The following GRIA4 variants were observed in gnomAD, a reference collection of about 807,000 sequenced individuals.
GRIA4 encodes the protein glutamate ionotropic receptor AMPA type subunit 4, also known as glutamate receptor 4.
Under a neutral mutation model 104.0 loss-of-function variants are expected in GRIA4, and 34 were observed. The ratio of observed to expected loss-of-function variants is 0.33; its 90% confidence interval spans 0.25 to 0.44. The LOEUF (loss-of-function observed/expected upper bound fraction) is 0.44. GRIA4 is among the 20% of genes least tolerant of loss of function. The pLI is 1.00. For missense variants in GRIA4, 750 were observed against 1,096.5 expected, an observed-to-expected ratio of 0.68 and a Z score of 4.46; for synonymous variants, 386 against 381.9, an observed-to-expected ratio of 1.01 and a Z score of -0.13.
At chr11:105,949,269 A>G (rs1948404785) in intron 14 of GRIA4, among the ~76,000 whole-genome samples, 1 of 152,252 alleles carries the variant, frequency 6.6e-6, no homozygotes, top group East Asian at 1.9e-4. Flanking sequence ...AACACACTTC[A>G]TATCAGGACT....
intron 3 of GRIA4, among the ~76,000 whole-genome samples, chr11:105,749,968 A>T (rs963699243): frequency 6.6e-6 from 1 of 152,216 alleles, no homozygotes; most frequent in African/African-American, 2.4e-5. Context: ...AAACATAAAA[A>T]TTTACATTTT....
chr11:105,740,135 A>G (rs1939213809), intron 3 of GRIA4, among the ~76,000 whole-genome samples: 1 of 152,234 alleles, frequency 6.6e-6, no homozygotes, highest in Non-Finnish European at 1.5e-5. Flanking sequence ...AGTGTAAAGG[A>G]GAATGTCTTA....
chr11:105,657,487 T>G (rs1490806208), intron 3 of GRIA4, among the ~76,000 whole-genome samples: 2 of 152,058 alleles, frequency 1.3e-5, no homozygotes, highest in Non-Finnish European at 1.5e-5. Context: ...AAGTTATTCT[T>G]CAATGCACAT....
intron 9 of GRIA4, among the ~76,000 whole-genome samples, chr11:105,908,374 C>A (rs936344086): frequency 7.2e-5 from 11 of 152,078 alleles, no homozygotes; most frequent in African/African-American, 2.7e-4. Flanking sequence ...TGAAATCAGT[C>A]ATGGGAAAAG....
At chr11:105,932,226 C>G (rs1947898021) in intron 13 of GRIA4, among the ~76,000 whole-genome samples, 1 of 152,026 alleles carries the variant, frequency 6.6e-6, no homozygotes, top group African/African-American at 2.4e-5. Context: ...GCAGCCTCTG[C>G]CTCCCAGGTC....
At chr11:105,740,555 C>A (rs1244412583) in intron 3 of GRIA4, among the ~76,000 whole-genome samples, 1 of 152,182 alleles carries the variant, frequency 6.6e-6, no homozygotes, top group African/African-American at 2.4e-5. Flanking sequence ...AACGTGTATT[C>A]TCCTACATAA....
At chr11:105,942,642 CTT>C (rs888859133) in intron 14 of GRIA4, among the ~76,000 whole-genome samples, 2 of 151,978 alleles carry the variant, frequency 1.3e-5, no homozygotes, top group African/African-American at 4.8e-5. Context: ...CAAAAAATGA[CTT>C]TTTAGTATAA....
chr11:105,738,931 A>C (rs1400526167), intron 3 of GRIA4, among the ~76,000 whole-genome samples: 7 of 68,952 alleles, frequency 1.0e-4, no homozygotes, highest in East Asian at 4.2e-4. Flanking sequence ...AAAAAAAAAC[A>C]AAAAAAAAAA....
At chr11:105,915,049 G>A (rs1159026001) in intron 10 of GRIA4, among the ~76,000 whole-genome samples, 2 of 152,160 alleles carry the variant, frequency 1.3e-5, no homozygotes, top group Non-Finnish European at 1.5e-5. Context: ...CGAATGTTGA[G>A]TATTTGCTAC....
At chr11:105,797,913 A>G (rs1479285017) in intron 4 of GRIA4, 1 of 414,666 alleles carries the variant, frequency 2.4e-6, no homozygotes, top group African/African-American at 2.1e-5. Flanking sequence ...GAAATTACAT[A>G]CATTTTTGGA....
intron 3 of GRIA4, among the ~76,000 whole-genome samples, chr11:105,731,767 T>C (rs1471736914): frequency 6.6e-6 from 1 of 151,794 alleles, no homozygotes; most frequent in African/African-American, 2.4e-5. Flanking sequence ...CTCAGCAAAC[T>C]AACACAGAAA....
At position 105,623,640 on chromosome 11, in the gene GRIA4, T is replaced by C. The variant is rs559485799; in HGVS notation, c.247+11206T>C. ...AGTTATTTGCCTAACTAGAGTTTTC[T>C]GAACTTTTAAGACTCAGGTTAAATG... On this transcript the variant is annotated intron_variant, in intron 3 of 16. Coordinates refer to ENST00000282499, the MANE Select transcript of GRIA4 (RefSeq NM_000829.4). Among the ~76,000 whole-genome samples, 49 of 152,206 alleles carry C rather than the reference T, an allele frequency of 3.2e-4. No homozygotes were observed. The South Asian group carries it at 9.7e-3, about 30-fold the overall frequency.
At position 105,696,962 on chromosome 11, in the gene GRIA4, C is replaced by T. The variant is rs1424624700; in HGVS notation, c.248-56019C>T. 2.0e-5 allele frequency among the ~76,000 whole-genome samples: 3 copies of T among 152,092 alleles called. No homozygotes were observed. In the East Asian group the frequency reaches 5.8e-4, roughly 29 times the overall value. On this transcript the variant is annotated intron_variant, in intron 3 of 16. Transcript: ENST00000282499. Reference sequence around the variant, plus strand: ...TATTTTTAGTAGAGATGGGGTTTCACCGTGTTGGCCAGGCTGATCTTGAAC... The same window carrying T: ...TATTTTTAGTAGAGATGGGGTTTCATCGTGTTGGCCAGGCTGATCTTGAAC...
intron 3 of GRIA4, among the ~76,000 whole-genome samples, chr11:105,715,659 A>C (rs190128851): frequency 6.6e-6 from 1 of 152,336 alleles, no homozygotes; most frequent in East Asian, 1.9e-4. Context: ...TACTAGTTAG[A>C]ATAGGCTAAG....
At chr11:105,695,094 A>T (rs1953221114) in intron 3 of GRIA4, among the ~76,000 whole-genome samples, 1 of 152,238 alleles carries the variant, frequency 6.6e-6, no homozygotes, top group Non-Finnish European at 1.5e-5. Context: ...TCTGCTATGC[A>T]GACCCCAATG....
At chr11:105,889,584 A>G (rs1591402389) in intron 6 of GRIA4, among the ~76,000 whole-genome samples, 1 of 152,282 alleles carries the variant, frequency 6.6e-6, no homozygotes, top group East Asian at 1.9e-4. Context: ...TCAAAATGAA[A>G]AATTACATCA....
chr11:105,630,473 A>G (rs1189679851), intron 3 of GRIA4, among the ~76,000 whole-genome samples: 1 of 152,122 alleles, frequency 6.6e-6, no homozygotes, highest in African/African-American at 2.4e-5. Flanking sequence ...CTGAGACAGG[A>G]GAATCGCTTG....
chr11:105,780,505 C>T (rs1425505000), intron 4 of GRIA4, among the ~76,000 whole-genome samples: 3 of 151,712 alleles, frequency 2.0e-5, no homozygotes, highest in Admixed American at 1.3e-4. Context: ...TAAATGTTGC[C>T]CATAAAGATT....
intron 6 of GRIA4, among the ~76,000 whole-genome samples, chr11:105,888,492 T>C (rs1946355715): frequency 6.6e-6 from 1 of 151,678 alleles, no homozygotes; most frequent in African/African-American, 2.4e-5. Context: ...TTCACCGTTT[T>C]AGCCGGGATG....
Sources: gnomAD v4.1 joint callset for allele counts (sites outside exome capture counted in the v4.1 genomes callset) on GRCh38, gnomAD v4.1.1 for gene constraint, MANE v1.5 for transcripts, NCBI Gene and HGNC (gene_info 2026-07-23, HGNC 2026-07-21) for gene names.